Variants in ZSWIM6 observed in about 807,000 individuals in gnomAD.
ZSWIM6 encodes the protein zinc finger SWIM domain-containing protein 6.
Under a neutral mutation model 113.2 loss-of-function variants are expected in ZSWIM6, and 9 were observed. The observed-to-expected ratio is 0.08, with a 90% CI of 0.05 to 0.14. ZSWIM6 has a LOEUF of 0.14. Ranked by LOEUF, ZSWIM6 falls within the 10% of genes least tolerant of loss-of-function variation. The pLI, the probability that ZSWIM6 is intolerant of heterozygous loss-of-function variation, is 1.00. For synonymous variants in ZSWIM6, 611 were observed against 606.5 expected (o/e 1.01, Z -0.11); for missense variants, 1,162 against 1,552.2 (o/e 0.75, Z 4.22).
intron 4 of ZSWIM6, among the ~76,000 whole-genome samples, chr5:61,504,666 A>G (rs1454005729): frequency 1.3e-5 from 2 of 152,218 alleles, no homozygotes; most frequent in Non-Finnish European, 2.9e-5. Context: ...AGCACTCTAT[A>G]CTAATCATCA....
intron 1 of ZSWIM6, among the ~76,000 whole-genome samples, chr5:61,448,966 A>G (rs771247979): frequency 2.0e-5 from 3 of 152,212 alleles, no homozygotes; most frequent in Non-Finnish European, 4.4e-5. Flanking sequence ...GGCAAACCTC[A>G]CAAAATTGTA....
intron 1 of ZSWIM6, among the ~76,000 whole-genome samples, chr5:61,344,538 G>C (rs1485341227): frequency 6.6e-6 from 1 of 152,156 alleles, no homozygotes; most frequent in East Asian, 1.9e-4. Context: ...TCTTGGGGAT[G>C]GGGTGAGGGA....
At chr5:61,441,668 G>A (rs1746837210) in intron 1 of ZSWIM6, among the ~76,000 whole-genome samples, 1 of 152,118 alleles carries the variant, frequency 6.6e-6, no homozygotes, top group Non-Finnish European at 1.5e-5. Flanking sequence ...GTGTGCAAGG[G>A]TTCTGTGACT....
chr5:61,360,791 T>C (rs749948072), intron 1 of ZSWIM6, among the ~76,000 whole-genome samples: 1 of 152,238 alleles, frequency 6.6e-6, no homozygotes, highest in Non-Finnish European at 1.5e-5. Context: ...CTTTGATCTT[T>C]TCCTGGCTTT....
At chr5:61,384,029 C>T (rs1006408750) in intron 1 of ZSWIM6, among the ~76,000 whole-genome samples, 15 of 149,920 alleles carry the variant, frequency 1.0e-4, no homozygotes, top group Non-Finnish European at 2.1e-4. Flanking sequence ...ATCATGAGGT[C>T]AGGAGATCGA....
chr5:61,417,218 G>T (rs1467041805), intron 1 of ZSWIM6, among the ~76,000 whole-genome samples: 3 of 152,160 alleles, frequency 2.0e-5, no homozygotes, highest in Non-Finnish European at 4.4e-5. Flanking sequence ...TGGAACTGTA[G>T]TTGCAGAAAT....
chr5:61,539,605 G>A lies in ZSWIM6; in HGVS notation c.2549G>A (p.Arg850Gln), dbSNP rs1184623630. Reference sequence around the variant, plus strand: ...CCCTTGTTCATTGCAGGCGATGTTCGGAGGCTGGAAACAGTATTAGAATCC... The same window carrying A: ...CCCTTGTTCATTGCAGGCGATGTTCAGAGGCTGGAAACAGTATTAGAATCC... Reference protein sequence around the residue: ...TMLTAAKGDVRRLETVLESIQ... With the variant: ...TMLTAAKGDVQRLETVLESIQ... The change falls in exon 12 of 14, where the codon CGG becomes CAG. Residue 850 changes from arginine (R) to glutamine (Q), a missense_variant. Physicochemically the swap from Arg to Gln is conservative, Grantham distance 43 (BLOSUM62 1). Coordinates refer to ENST00000252744, the MANE Select transcript of ZSWIM6 (RefSeq NM_020928.2). 28 of 1,550,134 alleles carry A rather than the reference G, an allele frequency of 1.8e-5. No homozygotes were observed. Among genetic ancestry groups the A allele is most frequent in the East Asian group, 2.4e-5 (1 of 40,908 alleles).
At chr5:61,479,229 A>G (rs1447018522) in intron 2 of ZSWIM6, among the ~76,000 whole-genome samples, 1 of 151,530 alleles carries the variant, frequency 6.6e-6, no homozygotes, top group Non-Finnish European at 1.5e-5. Context: ...TGTACAGGGG[A>G]TCCTTTTTTT....
At chr5:61,333,685 A>T (rs555031270) in intron 1 of ZSWIM6, among the ~76,000 whole-genome samples, 3 of 152,068 alleles carry the variant, frequency 2.0e-5, no homozygotes, top group Non-Finnish European at 2.9e-5. Context: ...CCGGAGGGAC[A>T]TCTCGCCCGT....
At chr5:61,474,375 T>C (rs1230836226) in intron 2 of ZSWIM6, among the ~76,000 whole-genome samples, 1 of 152,190 alleles carries the variant, frequency 6.6e-6, no homozygotes, top group Non-Finnish European at 1.5e-5. Context: ...AGCCTTCCCA[T>C]AGAAATAGAA....
chr5:61,385,408 C>A lies in ZSWIM6; in HGVS notation c.676+52460C>A, dbSNP rs1033824693. On this transcript the variant is annotated intron_variant, in intron 1 of 13. Transcript: ENST00000252744. ...TAGTTGAAGCTTAACTATTTCAGGG[C>A]GGCATGATAAATGAGAAGAATAATG... Among the ~76,000 whole-genome samples, 5 of 152,000 alleles carry A rather than the reference C, an allele frequency of 3.3e-5. No homozygotes were observed. In the East Asian group the frequency reaches 7.7e-4, roughly 23 times the overall value.
chr5:61,520,182 A>G (rs114781292), intron 4 of ZSWIM6, among the ~76,000 whole-genome samples: 1,641 of 152,340 alleles, frequency 0.011, 21 homozygotes, highest in African/African-American at 0.036. Context: ...TCTTTTGGAT[A>G]AATAAAACAT....
chr5:61,446,658 T>G (rs1561240855), intron 1 of ZSWIM6, among the ~76,000 whole-genome samples: 2 of 152,268 alleles, frequency 1.3e-5, no homozygotes, highest in South Asian at 2.1e-4. Flanking sequence ...GACATTTCTG[T>G]TTTTATCTTA....
chr5:61,335,663 A>G (rs572297886), intron 1 of ZSWIM6, among the ~76,000 whole-genome samples: 1 of 152,390 alleles, frequency 6.6e-6, no homozygotes, highest in African/African-American at 2.4e-5. Context: ...CAAAATTACA[A>G]GTGTACAGAA....
At chr5:61,486,761 G>A (rs1475151083) in intron 2 of ZSWIM6, among the ~76,000 whole-genome samples, 3 of 151,876 alleles carry the variant, frequency 2.0e-5, no homozygotes, top group African/African-American at 7.2e-5. Flanking sequence ...AATGTCTCAT[G>A]TCTTTTGCTC....
At position 61,461,661 on chromosome 5, in the gene ZSWIM6, C is replaced by T. The variant is rs114429665; in HGVS notation, c.677-11020C>T. Among the ~76,000 whole-genome samples the T allele has an allele frequency of 2.8e-3, 425 of 152,228 alleles. 4 individuals carry two copies. Among genetic ancestry groups the T allele is most frequent in the African/African-American group, 9.8e-3 (407 of 41,548 alleles). ...TACTGGGGGTGTGGTTATTACCAGG[C>T]TCTCAGAACAGGTGCTGGAAATCAT... is the stretch of plus-strand genomic sequence containing the variant. On this transcript the variant is annotated intron_variant, in intron 1 of 13. Coordinates refer to ENST00000252744, the MANE Select transcript of ZSWIM6 (RefSeq NM_020928.2).
At chr5:61,534,443 G>A (rs1749520973) in intron 9 of ZSWIM6, among the ~76,000 whole-genome samples, 1 of 152,116 alleles carries the variant, frequency 6.6e-6, no homozygotes, top group Non-Finnish European at 1.5e-5. Flanking sequence ...CATTTCTTCT[G>A]AACTGCATTT....
chr5:61,351,398 G>A (rs1162988239), intron 1 of ZSWIM6, among the ~76,000 whole-genome samples: 1 of 152,196 alleles, frequency 6.6e-6, no homozygotes, highest in African/African-American at 2.4e-5. Context: ...GATGGAAGAA[G>A]ATAGAACAAC....
intron 3 of ZSWIM6, among the ~76,000 whole-genome samples, chr5:61,492,221 A>G (rs1476373894): frequency 2.6e-5 from 4 of 152,118 alleles, no homozygotes; most frequent in Non-Finnish European, 5.9e-5. Context: ...TCAAATCCAT[A>G]AATACTAATA....
Sources: gnomAD v4.1 joint callset for allele counts (sites outside exome capture counted in the v4.1 genomes callset) on GRCh38, gnomAD v4.1.1 for gene constraint, MANE v1.5 for transcripts, NCBI Gene and HGNC (gene_info 2026-07-23, HGNC 2026-07-21) for gene names.